The following SCML2 variants were observed in gnomAD, a reference collection of about 807,000 sequenced individuals.
SCML2 encodes the protein sex comb on midleg-like protein 2.
Under a neutral mutation model 48.4 loss-of-function variants are expected in SCML2, and 6 were observed. That is an observed-to-expected ratio of 0.12 (90% confidence interval 0.07 to 0.24). The LOEUF is 0.24. SCML2 is among the 10% of genes least tolerant of loss of function. The pLI is 1.00. For synonymous variants in SCML2, 181 were observed against 189.5 expected, an observed-to-expected ratio of 0.95 and a Z score of 0.37; for missense variants, 377 against 528.2, an observed-to-expected ratio of 0.71 and a Z score of 2.81.
At chrX:18,310,260 C>CTTTTTTTTT in intron 6 of SCML2, among the ~76,000 whole-genome samples, 1 of 62,368 alleles carries the variant, frequency 1.6e-5, no homozygotes, top group Non-Finnish European at 2.8e-5. Context: ...AACCACCTCC[C>CTTTTTTTTT]TTTTTTTTTT....
intron 7 of SCML2, 144 bp from the exon 8 acceptor site, chrX:18,265,946 T>C (rs963029554): frequency 2.4e-6 from 1 of 411,396 alleles, no homozygotes; most frequent in Non-Finnish European, 4.1e-6. Context: ...AAAAGTACCA[T>C]CTGAAATGAA....
intron 7 of SCML2, among the ~76,000 whole-genome samples, chrX:18,294,602 C>A (rs1928331050): frequency 9.0e-6 from 1 of 110,909 alleles, no homozygotes; most frequent in Non-Finnish European, 1.9e-5. Flanking sequence ...GCATCCTGCC[C>A]TGAAGCCCAA....
chrX:18,328,706 G>C (rs1929562297), intron 3 of SCML2, among the ~76,000 whole-genome samples: 1 of 111,660 alleles, frequency 9.0e-6, no homozygotes, highest in Admixed American at 9.6e-5. Context: ...CAGGAATCAT[G>C]TCTATATTGT....
intron 10 of SCML2, 131 bp downstream of exon 10, chrX:18,257,913 A>T: frequency 2.8e-6 from 1 of 361,923 alleles, no homozygotes; most frequent in Non-Finnish European, 4.6e-6. Context: ...GAAAGAAGAA[A>T]GGGCGGGGGA....
At chrX:18,289,773 G>A (rs1373501284) in intron 7 of SCML2, among the ~76,000 whole-genome samples, 2 of 111,609 alleles carry the variant, frequency 1.8e-5, no homozygotes, top group Non-Finnish European at 3.8e-5. Context: ...GAGAGATGAA[G>A]CACAAGTTAC....
chrX:18,286,067 T>C (rs888278087), intron 7 of SCML2, among the ~76,000 whole-genome samples: 1 of 111,930 alleles, frequency 8.9e-6, no homozygotes, highest in African/African-American at 3.2e-5. Context: ...AATCCTTATA[T>C]ACCAAAATAT....
At chrX:18,247,643 C>T in intron 12 of SCML2, 126 bp downstream of exon 12, 1 of 437,318 alleles carries the variant, frequency 2.3e-6, no homozygotes, top group Non-Finnish European at 4.0e-6. Context: ...CAAGTAGTAG[C>T]CTAACTGCCA....
chrX:18,255,734 A>C (rs1478949931), intron 11 of SCML2, among the ~76,000 whole-genome samples: 5 of 112,805 alleles, frequency 4.4e-5, no homozygotes, highest in African/African-American at 1.6e-4. Context: ...CCAGAAAAAA[A>C]AGTAGTAGCT....
At chrX:18,282,123 CAAAAA>C (rs780917114) in intron 7 of SCML2, among the ~76,000 whole-genome samples, 1 of 105,907 alleles carries the variant, frequency 9.4e-6, no homozygotes, top group Non-Finnish European at 1.9e-5. Flanking sequence ...AATTCCGTCT[CAAAAA>C]AAACAAAAAC....
rs1430537314 is a variant in SCML2, at chrX:18,302,637, A to T, written c.730+2335T>A. Among the ~76,000 whole-genome samples, 7 of 111,786 alleles carry T rather than the reference A, an allele frequency of 6.3e-5. No homozygotes were observed. In the South Asian group the frequency reaches 1.5e-3, roughly 24 times the overall value. On this transcript the variant is annotated intron_variant, in intron 7 of 14. Transcript: ENST00000251900. ...CTCTACTTGTTATACACACACAATT[A>T]AAACACACTCAAAACTTCCACCACT...
At chrX:18,263,237 A>G (rs1346460605) in intron 8 of SCML2, among the ~76,000 whole-genome samples, 1 of 110,945 alleles carries the variant, frequency 9.0e-6, no homozygotes, top group African/African-American at 3.3e-5. Context: ...TTCACATAAA[A>G]TGGTGAAATC....
intron 13 of SCML2, among the ~76,000 whole-genome samples, chrX:18,245,941 G>A (rs993288510): frequency 8.9e-6 from 1 of 111,973 alleles, no homozygotes; most frequent in Non-Finnish European, 1.9e-5. Flanking sequence ...GTTTCTCCAC[G>A]TTGGTCAGGC....
At position 18,323,855 on chromosome X, in the gene SCML2, T is replaced by C. The variant is rs769459870; in HGVS notation, c.397+4A>G. 8.5e-7 allele frequency: 1 copy of C among 1,170,890 alleles called. No homozygotes were observed. The highest frequency in any genetic ancestry group is 1.2e-6 in the Non-Finnish European group (1 of 859,742). On this transcript the variant is annotated splice_donor_region_variant and intron_variant, in intron 5 of 14. Transcript: ENST00000251900. ...ATACGCTATTTTTAAAACTTTCTTC[T>C]TACCTAGTGGAGGTTGAAGTAAGTC...
chrX:18,282,917 G>C lies in SCML2; in HGVS notation c.731-17115C>G, dbSNP rs193225295. Reference sequence around the variant, plus strand: ...CTGAAACTATTCCAAAAACCTGAGGGGGAAGGACTCCTCCTGAACTCATTC... The same window carrying C: ...CTGAAACTATTCCAAAAACCTGAGGCGGAAGGACTCCTCCTGAACTCATTC... On this transcript the variant is annotated intron_variant, in intron 7 of 14. Transcript: ENST00000251900. Among the ~76,000 whole-genome samples the C allele has an allele frequency of 7.2e-3, 802 of 110,807 alleles. 2 individuals carry two copies. The highest frequency in any genetic ancestry group is 9.9e-3 in the Non-Finnish European group (523 of 52,956).
intron 7 of SCML2, among the ~76,000 whole-genome samples, chrX:18,293,007 G>A (rs961710418): frequency 9.0e-6 from 1 of 111,248 alleles, no homozygotes; most frequent in African/African-American, 3.3e-5. Flanking sequence ...GTTTTCTAAA[G>A]TTATATGTGT....
intron 11 of SCML2, 21 bp downstream of exon 11, chrX:18,256,827 A>G: frequency 1.8e-6 from 2 of 1,115,438 alleles, no homozygotes; most frequent in Non-Finnish European, 2.4e-6. Context: ...CAGAAGTGTA[A>G]GAGTTTACAT....
chrX:18,284,932 C>T (rs1927991949), intron 7 of SCML2, among the ~76,000 whole-genome samples: 3 of 109,127 alleles, frequency 2.7e-5, no homozygotes, highest in African/African-American at 1.0e-4. Context: ...CCCAGCTACT[C>T]GGGAGGCTGA....
intron 3 of SCML2, among the ~76,000 whole-genome samples, chrX:18,329,278 C>T (rs1009786257): frequency 9.0e-6 from 1 of 111,015 alleles, no homozygotes; most frequent in Non-Finnish European, 1.9e-5. Flanking sequence ...TTTGGGGGTC[C>T]CAGGGAAGAG....
chrX:18,247,336 T>A (rs1237296782), intron 12 of SCML2, among the ~76,000 whole-genome samples: 1 of 111,769 alleles, frequency 8.9e-6, no homozygotes, highest in Admixed American at 9.5e-5. Context: ...TAACTTACTA[T>A]CATTTGCCAG....
Sources: allele counts gnomAD v4.1 joint callset (sites outside exome capture counted in the v4.1 genomes callset), GRCh38; gene constraint gnomAD v4.1.1; transcripts MANE v1.5; gene names NCBI Gene and HGNC (gene_info 2026-07-23, HGNC 2026-07-21).